ADK: variants seen among roughly 807,000 people sequenced by gnomAD.
ADK encodes adenosine kinase.
ADK carries 24 observed loss-of-function variants against 44.7 expected under a neutral mutation model. That is an observed-to-expected ratio of 0.54 (90% CI 0.39 to 0.76). The LOEUF (loss-of-function observed/expected upper bound fraction) is 0.76, where lower values mean the gene tolerates loss of function less well. ADK is among the 30% of genes least tolerant of loss of function. The probability of loss-of-function intolerance (pLI) is 0.00; values close to 1 mark genes in which losing one functional copy is unlikely to be tolerated. For synonymous variants in ADK, 128 were observed against 142.6 expected (o/e 0.90, Z 0.73); for missense variants, 321 against 425.1 (o/e 0.76, Z 2.15).
chr10:74,465,729 C>T (rs1846329501), intron 6 of ADK, among the ~76,000 whole-genome samples: 1 of 152,034 alleles, frequency 6.6e-6, no homozygotes, highest in Non-Finnish European at 1.5e-5. Context: ...AGAAATGAGT[C>T]AAGGGTGGAA....
At chr10:74,373,192 T>G (rs1454368826) in intron 4 of ADK, among the ~76,000 whole-genome samples, 1 of 151,978 alleles carries the variant, frequency 6.6e-6, no homozygotes, top group African/African-American at 2.4e-5. Flanking sequence ...GACTTAAATG[T>G]AAGAACTAAA....
chr10:74,287,990 AAAAAAAAAAAAGAG>A lies in ADK; in HGVS notation c.195-26667_195-26654del, dbSNP rs1238163020. 5.9e-5 allele frequency among the ~76,000 whole-genome samples: 9 copies of A among 151,624 alleles called. No homozygotes were observed. The East Asian group carries it at 1.7e-3, about 29-fold the overall frequency. Reference sequence around the variant, plus strand: ...GTACTGAGACCCTGTCTCAAAAAAAAAAAAAAAAAAAGAGAAAAAAAAATTTTTAAGTACTTTTT... The same window carrying A: ...GTACTGAGACCCTGTCTCAAAAAAAAAAAAAAAAATTTTTAAGTACTTTTT... On this transcript the variant is annotated intron_variant, in intron 3 of 10. Transcript: ENST00000539909.
chr10:74,705,294 TC>T (rs1856562971), intron 10 of ADK, among the ~76,000 whole-genome samples: 3 of 6,342 alleles, frequency 4.7e-4, no homozygotes, highest in Admixed American at 2.6e-3. Context: ...CTGCAGCAGC[TC>T]AGCAGCTCAG....
intron 10 of ADK, among the ~76,000 whole-genome samples, chr10:74,678,361 A>G (rs180769629): frequency 1.6e-4 from 24 of 152,184 alleles, no homozygotes; most frequent in African/African-American, 5.1e-4. Context: ...TCGTTAGTTA[A>G]AAAAATGTAA....
At chr10:74,535,057 A>T (rs1026478143) in intron 7 of ADK, among the ~76,000 whole-genome samples, 5 of 152,216 alleles carry the variant, frequency 3.3e-5, no homozygotes, top group Admixed American at 6.5e-5. Flanking sequence ...TTGCTATTGA[A>T]TTGGATGTGG....
intron 4 of ADK, among the ~76,000 whole-genome samples, chr10:74,322,105 A>G (rs1366515034): frequency 6.6e-6 from 1 of 152,238 alleles, no homozygotes; most frequent in Non-Finnish European, 1.5e-5. Context: ...TATTAAAAAA[A>G]TCTGATTATC....
At chr10:74,183,402 G>A (rs1181124594) in intron 1 of ADK, among the ~76,000 whole-genome samples, 1 of 152,156 alleles carries the variant, frequency 6.6e-6, no homozygotes, top group Non-Finnish European at 1.5e-5. Flanking sequence ...ATAAAACCCC[G>A]TCTCTACAAA....
Position 74,172,464 on chromosome 10 carries a change from G to A in ADK, c.65+21121G>A, listed in dbSNP as rs1325976556. 5.3e-5 allele frequency among the ~76,000 whole-genome samples: 8 copies of A among 152,158 alleles called. No homozygotes were observed. The East Asian group carries it at 1.4e-3, about 26-fold the overall frequency. On this transcript the variant is annotated intron_variant, in intron 1 of 10. Transcript: ENST00000539909. ...AGCATTTTGGGAGGCCGAGGTGGGCGGATCACCTGAGGTTGGGAGTTTGAG... is the reference window on the plus strand; with the variant it reads ...AGCATTTTGGGAGGCCGAGGTGGGCAGATCACCTGAGGTTGGGAGTTTGAG...
intron 1 of ADK, among the ~76,000 whole-genome samples, chr10:74,163,429 G>C (rs1841955733): frequency 1.3e-5 from 2 of 152,212 alleles, no homozygotes; most frequent in African/African-American, 4.8e-5. Flanking sequence ...TCTTTTCTCT[G>C]TGTTAGCAAG....
At chr10:74,368,954 A>C (rs1323204484) in intron 4 of ADK, among the ~76,000 whole-genome samples, 1 of 152,174 alleles carries the variant, frequency 6.6e-6, no homozygotes, top group Non-Finnish European at 1.5e-5. Context: ...CTTATTGTTC[A>C]TCATACAGTA....
At chr10:74,217,219 C>T (rs1844079841) in intron 2 of ADK, among the ~76,000 whole-genome samples, 2 of 152,246 alleles carry the variant, frequency 1.3e-5, no homozygotes, top group Non-Finnish European at 2.9e-5. Context: ...GAGATTATAT[C>T]CTGCACCTGG....
At chr10:74,555,897 G>A (rs2133800730) in intron 7 of ADK, among the ~76,000 whole-genome samples, 1 of 152,236 alleles carries the variant, frequency 6.6e-6, no homozygotes, top group African/African-American at 2.4e-5. Flanking sequence ...ACTAGGCAGA[G>A]CAATTTTCCT....
At chr10:74,703,431 A>C (rs1856502373) in intron 10 of ADK, among the ~76,000 whole-genome samples, 1 of 151,484 alleles carries the variant, frequency 6.6e-6, no homozygotes, top group African/African-American at 2.4e-5. Flanking sequence ...GCAGTGAGCC[A>C]AAAAAAATTA....
intron 4 of ADK, among the ~76,000 whole-genome samples, chr10:74,340,318 A>T (rs1841541910): frequency 6.6e-6 from 1 of 152,132 alleles, no homozygotes; most frequent in Non-Finnish European, 1.5e-5. Context: ...TATTGTTTGT[A>T]TGAGAAAAAG....
rs1399156013 is a variant in ADK, at chr10:74,434,443, G to A, written c.555+35864G>A. Among the ~76,000 whole-genome samples the A allele has an allele frequency of 3.3e-5, 5 of 152,252 alleles. No homozygotes were observed. In the South Asian group the frequency reaches 6.2e-4, roughly 19 times the overall value. On this transcript the variant is annotated intron_variant, in intron 6 of 10. Transcript: ENST00000539909. ...ACAAAATTACAACAAATTTAAAGAT[G>A]TTAATTGGTTTTTATTTGCAATTCT...
chr10:74,394,110 C>A, intron 4 of ADK, 31 bp from the exon 5 acceptor site: 1 of 1,611,258 alleles, frequency 6.2e-7, no homozygotes, highest in Admixed American at 1.7e-5. Context: ...TTTTTTTGCC[C>A]CATTAAATTA....
chr10:74,615,216 G>A (rs778054951), intron 9 of ADK, among the ~76,000 whole-genome samples: 49 of 152,248 alleles, frequency 3.2e-4, no homozygotes, highest in Non-Finnish European at 6.9e-4. Context: ...TAGCCCAATA[G>A]TGTCCAGTCA....
At chr10:74,488,878 C>T (rs1847369485) in intron 6 of ADK, among the ~76,000 whole-genome samples, 1 of 151,864 alleles carries the variant, frequency 6.6e-6, no homozygotes. Context: ...GATCCCACAA[C>T]TTACCACCTT....
At chr10:74,184,611 A>G (rs371936555) in intron 1 of ADK, among the ~76,000 whole-genome samples, 1 of 150,802 alleles carries the variant, frequency 6.6e-6, no homozygotes, top group African/African-American at 2.4e-5. Flanking sequence ...CCTGGCCTCA[A>G]ACTCTTGGTC....
Sources: allele counts gnomAD v4.1 joint callset (sites outside exome capture counted in the v4.1 genomes callset), GRCh38; gene constraint gnomAD v4.1.1; transcripts MANE v1.5; gene names NCBI Gene and HGNC (gene_info 2026-07-23, HGNC 2026-07-21).